The following DNAJC7 variants were observed in gnomAD, a reference collection of about 807,000 sequenced individuals.
DNAJC7 encodes DnaJ heat shock protein family (Hsp40) member C7.
Under a neutral mutation model 67.4 loss-of-function variants are expected in DNAJC7, and 18 were observed. The observed-to-expected ratio is 0.27, with a 90% CI of 0.18 to 0.40. The LOEUF is 0.40. Among genes scored for constraint, DNAJC7 ranks in the 10% least tolerant of loss-of-function variants. DNAJC7 has a pLI of 1.00. For synonymous variants in DNAJC7, 220 were observed against 207.8 expected, an observed-to-expected ratio of 1.06 and a Z score of -0.50; for missense variants, 419 against 613.8, an observed-to-expected ratio of 0.68 and a Z score of 3.35.
intron 1 of DNAJC7, among the ~76,000 whole-genome samples, chr17:42,008,830 C>T (rs2052043574): frequency 6.6e-6 from 1 of 152,196 alleles, no homozygotes; most frequent in Non-Finnish European, 1.5e-5. Flanking sequence ...GCCTCAGCCT[C>T]CTGAGTAGCT....
At chr17:41,988,019 TA>T in intron 8 of DNAJC7, 109 bp from the exon 9 acceptor site, 2 of 845,662 alleles carry the variant, frequency 2.4e-6, no homozygotes, top group Non-Finnish European at 3.7e-6. Flanking sequence ...GCTGGCCCCT[TA>T]AATGTCATAT....
chr17:41,986,921 G>C (rs782693991), intron 9 of DNAJC7, among the ~76,000 whole-genome samples: 2 of 152,194 alleles, frequency 1.3e-5, no homozygotes, highest in African/African-American at 2.4e-5. Context: ...TCAGGCATCA[G>C]TGACAGCATC....
chr17:41,976,807 ATTTT>A (rs2051093841), intron 13 of DNAJC7, 37 bp from the exon 14 acceptor site: 1 of 1,600,212 alleles, frequency 6.2e-7, no homozygotes, highest in Non-Finnish European at 8.5e-7. Flanking sequence ...TTGGCTATGG[ATTTT>A]CTAAGGAAGA....
chr17:42,011,709 A>G (rs1055428106), intron 1 of DNAJC7: 1 of 152,218 alleles, frequency 6.6e-6, no homozygotes, highest in Non-Finnish European at 1.5e-5. Flanking sequence ...CTCAGTTTGG[A>G]GGCTTACTGA....
rs1441812194 is a variant in DNAJC7 at position 41,976,563 on chromosome 17, T to C, written c.*170A>G. 1.4e-6 allele frequency: 1 copy of C among 731,590 alleles called. No homozygotes were observed. The highest frequency in any genetic ancestry group is 1.9e-5 in the South Asian group (1 of 51,552). 45.3% of individuals were successfully genotyped at this position (731,590 alleles called of 1,614,324 possible). The stretch of plus-strand genomic sequence containing the variant: ...CCTCCCCTGCCCTCGGTCTTCGGCA[T>C]TGGTTCCCTTTGCTCCACCCCACTC... On this transcript the variant is annotated 3_prime_UTR_variant, in exon 14 of 14. Transcript: ENST00000457167.
intron 1 of DNAJC7, among the ~76,000 whole-genome samples, chr17:42,012,130 T>C (rs2052134603): frequency 1.3e-5 from 2 of 152,228 alleles, no homozygotes; most frequent in Admixed American, 6.5e-5. Flanking sequence ...TTGATTCTTT[T>C]AGATCTTGTT....
intron 2 of DNAJC7, among the ~76,000 whole-genome samples, chr17:41,998,127 C>T (rs2051709891): frequency 6.6e-6 from 1 of 151,734 alleles, no homozygotes; most frequent in Admixed American, 6.6e-5. Flanking sequence ...CCTCCAAAAG[C>T]GTTGGGATTA....
At chr17:41,982,174 G>A (rs370259456) in intron 11 of DNAJC7, 81 bp downstream of exon 11, 1 of 1,576,560 alleles carries the variant, frequency 6.3e-7, no homozygotes, top group East Asian at 2.3e-5. Flanking sequence ...CCTCTCCAAG[G>A]GGTCCCCTCT....
chr17:41,988,030 T>C (rs1286144083), intron 8 of DNAJC7, 120 bp from the exon 9 acceptor site: 2 of 793,722 alleles, frequency 2.5e-6, no homozygotes, highest in Non-Finnish European at 4.0e-6. Flanking sequence ...AAATGTCATA[T>C]TAAGTTCTAG....
At chr17:41,979,407 C>T (rs2051182836) in intron 12 of DNAJC7, among the ~76,000 whole-genome samples, 1 of 151,948 alleles carries the variant, frequency 6.6e-6, no homozygotes, top group African/African-American at 2.4e-5. Context: ...CACAGTGGCT[C>T]ACGCCTGTAA....
At chr17:41,977,437 C>A (rs575635023) in intron 12 of DNAJC7, 114 bp from the exon 13 acceptor site, 3 of 953,874 alleles carry the variant, frequency 3.1e-6, no homozygotes, top group South Asian at 3.2e-5. Context: ...GAGAGTCTCA[C>A]TCCCCTCCTT....
At chr17:42,005,912 T>C (rs2051938603) in intron 1 of DNAJC7, among the ~76,000 whole-genome samples, 1 of 150,718 alleles carries the variant, frequency 6.6e-6, no homozygotes, top group South Asian at 2.1e-4. Flanking sequence ...GGCCAATTTT[T>C]TTTTGAGAAA....
intron 5 of DNAJC7, among the ~76,000 whole-genome samples, chr17:41,991,210 C>T (rs569399405): frequency 9.2e-5 from 14 of 152,224 alleles, no homozygotes; most frequent in African/African-American, 3.4e-4. Context: ...ATCACATTCA[C>T]GCCGAGAATA....
At chr17:42,006,779 A>T (rs1567968977) in intron 1 of DNAJC7, among the ~76,000 whole-genome samples, 1 of 113,250 alleles carries the variant, frequency 8.8e-6, no homozygotes, top group Non-Finnish European at 1.7e-5. Flanking sequence ...CCTGGGCAAC[A>T]GAGCAAGACT....
At chr17:41,998,845 G>C (rs1223531917) in intron 2 of DNAJC7, among the ~76,000 whole-genome samples, 1 of 152,018 alleles carries the variant, frequency 6.6e-6, no homozygotes, top group African/African-American at 2.4e-5. Context: ...AGTATTTCTG[G>C]AATTGCCTTT....
intron 12 of DNAJC7, among the ~76,000 whole-genome samples, chr17:41,979,064 T>G (rs1816954972): frequency 1.3e-5 from 2 of 152,034 alleles, no homozygotes; most frequent in Non-Finnish European, 2.9e-5. Context: ...TCCGGCTGGG[T>G]GCGGTGGCTC....
intron 1 of DNAJC7, chr17:42,017,015 A>T: frequency 7.7e-7 from 1 of 1,305,334 alleles, no homozygotes; most frequent in Non-Finnish European, 9.8e-7. Flanking sequence ...GGAAGTCGTC[A>T]TCGACGCCGC....
At chr17:41,982,099 A>C in intron 11 of DNAJC7, 92 bp from the exon 12 acceptor site, 2 of 1,564,220 alleles carry the variant, frequency 1.3e-6, no homozygotes, top group Non-Finnish European at 1.7e-6. Flanking sequence ...CTAATTTTGG[A>C]ATTTGGCACT....
At chr17:42,006,837 A>G (rs1224630612) in intron 1 of DNAJC7, among the ~76,000 whole-genome samples, 1 of 122,002 alleles carries the variant, frequency 8.2e-6, no homozygotes, top group Admixed American at 9.8e-5. Context: ...ACGGTGGCTC[A>G]CGCCTATAAT....
Sources: allele counts gnomAD v4.1 joint callset (sites outside exome capture counted in the v4.1 genomes callset), GRCh38; gene constraint gnomAD v4.1.1; transcripts MANE v1.5; gene names NCBI Gene and HGNC (gene_info 2026-07-23, HGNC 2026-07-21).